The following ANO10 variants were observed in gnomAD, a reference collection of about 807,000 sequenced individuals.
ANO10 encodes anoctamin 10.
Under a neutral mutation model 74.7 loss-of-function variants are expected in ANO10, and 77 were observed. That is an observed-to-expected ratio of 1.03 (90% CI 0.86 to 1.25). The LOEUF is 1.25. Among genes scored for constraint, ANO10 ranks in the 50% most tolerant of loss-of-function variants. The pLI is 0.00. For missense variants in ANO10, 721 were observed against 778.1 expected (o/e 0.93, Z 0.87); for synonymous variants, 279 against 284.9 (o/e 0.98, Z 0.21).
chr3:43,445,019 G>GGGA (rs2093222719), intron 11 of ANO10, among the ~76,000 whole-genome samples: 1 of 151,582 alleles, frequency 6.6e-6, no homozygotes, highest in African/African-American at 2.4e-5. Context: ...GCTACTCCGT[G>GGGA]GGCTGAGGCA....
chr3:43,605,926 T>A (rs1396774602), intron 1 of ANO10, 63 bp from the exon 2 acceptor site: 1 of 1,557,936 alleles, frequency 6.4e-7, no homozygotes, highest in African/African-American at 1.4e-5. Context: ...AAATATGCTA[T>A]AGACTTCATT....
intron 1 of ANO10, among the ~76,000 whole-genome samples, chr3:43,674,217 G>C (rs956045891): frequency 1.3e-5 from 2 of 152,168 alleles, no homozygotes; most frequent in Admixed American, 6.5e-5. Flanking sequence ...ATAGCTCACT[G>C]TAATGTTGAA....
At chr3:43,526,940 C>G (rs954852127) in intron 11 of ANO10, among the ~76,000 whole-genome samples, 10 of 151,968 alleles carry the variant, frequency 6.6e-5, no homozygotes, top group Non-Finnish European at 1.5e-5. Context: ...TTATAAAATA[C>G]ACACATACAT....
chr3:43,525,803 CCTT>C (rs1464765372), intron 11 of ANO10, among the ~76,000 whole-genome samples: 2 of 152,130 alleles, frequency 1.3e-5, no homozygotes, highest in South Asian at 2.1e-4. Flanking sequence ...GAGTTTTCCT[CCTT>C]CTGTTTTCAA....
chr3:43,424,229 T>A (rs997180725), intron 12 of ANO10, among the ~76,000 whole-genome samples: 2 of 152,224 alleles, frequency 1.3e-5, no homozygotes, highest in African/African-American at 4.8e-5. Flanking sequence ...GAGAAAGTTA[T>A]GACACTGAAA....
At chr3:43,573,292 AC>A (rs1201513130) in intron 7 of ANO10, among the ~76,000 whole-genome samples, 1 of 152,182 alleles carries the variant, frequency 6.6e-6, no homozygotes, top group Non-Finnish European at 1.5e-5. Flanking sequence ...ATGTAGGGCT[AC>A]TTTTCCCTTT....
chr3:43,385,052 T>G (rs1312797066), intron 12 of ANO10, among the ~76,000 whole-genome samples: 1 of 151,874 alleles, frequency 6.6e-6, no homozygotes, highest in East Asian at 1.9e-4. Flanking sequence ...ATCCAGAATC[T>G]ACAAAGAATT....
chr3:43,504,280 A>G lies in ANO10; in HGVS notation c.1797+45440T>C, dbSNP rs568128549. 4.9e-5 allele frequency among the ~76,000 whole-genome samples: 7 copies of G among 143,664 alleles called. No individual in the cohort carries two copies. The East Asian group carries it at 1.1e-3, about 22-fold the overall frequency. The allele number at this position is 143,664 out of a possible 152,430, so 94.2% of individuals were successfully genotyped here. On this transcript the variant is annotated intron_variant, in intron 11 of 12. Transcript: ENST00000292246. Reference sequence around the variant, plus strand: ...AAACTCCGCCTCAAAAAATAAGTAGATAGGTAGGTAGGTAGGTAGGTAGAT... The same window carrying G: ...AAACTCCGCCTCAAAAAATAAGTAGGTAGGTAGGTAGGTAGGTAGGTAGAT...
At chr3:43,397,949 A>G (rs2092412994) in intron 12 of ANO10, among the ~76,000 whole-genome samples, 1 of 152,216 alleles carries the variant, frequency 6.6e-6, no homozygotes, top group Non-Finnish European at 1.5e-5. Flanking sequence ...TCTTTCTGGC[A>G]TGAAGGGGTT....
chr3:43,467,228 C>T (rs987913901), intron 11 of ANO10, among the ~76,000 whole-genome samples: 4 of 152,170 alleles, frequency 2.6e-5, no homozygotes, highest in African/African-American at 9.7e-5. Context: ...TCATAAGACT[C>T]AGTCATTCCA....
chr3:43,476,894 G>A (rs989935592), intron 11 of ANO10, among the ~76,000 whole-genome samples: 11 of 152,142 alleles, frequency 7.2e-5, no homozygotes, highest in African/African-American at 2.4e-4. Flanking sequence ...GCAATTTGCC[G>A]ATCAATAAGT....
chr3:43,683,468 T>C (rs1472791840), intron 1 of ANO10, among the ~76,000 whole-genome samples: 3 of 152,182 alleles, frequency 2.0e-5, no homozygotes, highest in Admixed American at 1.3e-4. Context: ...TGCTCATGGC[T>C]AGGAAGAATC....
chr3:43,417,877 T>C (rs908775608), intron 12 of ANO10, among the ~76,000 whole-genome samples: 1 of 152,212 alleles, frequency 6.6e-6, no homozygotes, highest in African/African-American at 2.4e-5. Flanking sequence ...AGCTCTAAGC[T>C]TATAGTCTAT....
rs2091418830 is a variant in ANO10, at chr3:43,366,616, A to C, written c.*290T>G. 2.0e-6 allele frequency: 1 copy of C among 504,490 alleles called. No individual in the cohort carries two copies. 31.3% of individuals were successfully genotyped at this position (504,490 alleles called of 1,614,324 possible). A position where few individuals can be genotyped will look rare whatever the true frequency, so the allele number is the denominator to read the frequency against. ...TGGCTCACTCATGGTGAGAGGCTCA[A>C]GGGCGGCAGTGGCTCTGCAGCAAAG... On this transcript the variant is annotated 3_prime_UTR_variant, in exon 13 of 13. Transcript: ENST00000292246.
chr3:43,577,344 T>C (rs2081061346), intron 5 of ANO10, 83 bp from the exon 6 acceptor site: 2 of 1,361,218 alleles, frequency 1.5e-6, no homozygotes, highest in Non-Finnish European at 2.1e-6. Context: ...ATTCATTTTT[T>C]AGTTAAGTGG....
At chr3:43,508,263 T>A (rs150099710) in intron 11 of ANO10, among the ~76,000 whole-genome samples, 23 of 152,262 alleles carry the variant, frequency 1.5e-4, no homozygotes, top group African/African-American at 5.5e-4. Flanking sequence ...AAAAAATAGT[T>A]GCAAACCACA....
intron 12 of ANO10, among the ~76,000 whole-genome samples, chr3:43,430,032 G>A (rs1346204256): frequency 6.6e-6 from 1 of 152,146 alleles, no homozygotes; most frequent in African/African-American, 2.4e-5. Context: ...AGTGAGGACA[G>A]GCTATCATGA....
At chr3:43,469,752 G>A (rs1352047789) in intron 11 of ANO10, among the ~76,000 whole-genome samples, 1 of 152,094 alleles carries the variant, frequency 6.6e-6, no homozygotes. Context: ...AATGACTAGA[G>A]TCTTTAAAAG....
chr3:43,436,620 C>T (rs2093071271), intron 11 of ANO10, among the ~76,000 whole-genome samples: 2 of 152,040 alleles, frequency 1.3e-5, no homozygotes, highest in South Asian at 2.1e-4. Flanking sequence ...AGTAACAGGA[C>T]CAGAGAAAAT....
Sources: allele counts gnomAD v4.1 joint callset (sites outside exome capture counted in the v4.1 genomes callset), GRCh38; gene constraint gnomAD v4.1.1; transcripts MANE v1.5; gene names NCBI Gene and HGNC (gene_info 2026-07-23, HGNC 2026-07-21).